Variants in SPECC1L observed in about 807,000 individuals in gnomAD.
The protein encoded by SPECC1L is cytospin-A.
SPECC1L carries 40 observed loss-of-function variants against 116.8 expected under a neutral mutation model. That is an observed-to-expected ratio of 0.34 (90% CI 0.27 to 0.45). The LOEUF (loss-of-function observed/expected upper bound fraction) is 0.45. Ranked by LOEUF, SPECC1L falls within the 20% of genes least tolerant of loss-of-function variation. SPECC1L has a pLI of 1.00. For synonymous variants in SPECC1L, 504 were observed against 500.6 expected, an observed-to-expected ratio of 1.01 and a Z score of -0.09; for missense variants, 1,110 against 1,373.6, an observed-to-expected ratio of 0.81 and a Z score of 3.03.
intron 3 of SPECC1L, among the ~76,000 whole-genome samples, chr22:24,308,580 G>T (rs2049548628): frequency 6.6e-6 from 1 of 152,190 alleles, no homozygotes; most frequent in African/African-American, 2.4e-5. Flanking sequence ...TCCACTGTCA[G>T]GTTACTGTGT....
At position 24,395,340 on chromosome 22, in the gene SPECC1L, C is replaced by T. The variant is rs573412825; in HGVS notation, c.3088-16248C>T. On this transcript the variant is annotated intron_variant, in intron 14 of 16. Transcript: ENST00000314328. ...GTATGGATTGAGGTGAACTTTTTGG[C>T]CTGTGGACTTAAGTTGGGAAGGTTG... Among the ~76,000 whole-genome samples the T allele has an allele frequency of 1.2e-3, 175 of 152,148 alleles. 1 individual carries two copies. Among genetic ancestry groups the T allele is most frequent in the Non-Finnish European group, 2.0e-3 (133 of 68,002 alleles).
chr22:24,295,167 A>G (rs528639287), intron 2 of SPECC1L, among the ~76,000 whole-genome samples: 64 of 151,118 alleles, frequency 4.2e-4, no homozygotes, highest in Non-Finnish European at 7.2e-4. Context: ...GTGAGCGTTC[A>G]GGCCACCCAG....
Position 24,365,639 on chromosome 22 carries a change from A to C in SPECC1L, c.2984+7A>C, listed in dbSNP as rs1445475666. 6.2e-7 allele frequency: 1 copy of C among 1,614,060 alleles called. No homozygotes were observed. The highest frequency in any genetic ancestry group is 8.5e-7 in the Non-Finnish European group (1 of 1,179,984). On this transcript the variant is annotated splice_region_variant and intron_variant, in intron 13 of 16. Coordinates refer to ENST00000314328, the MANE Select transcript of SPECC1L (RefSeq NM_015330.6). ...CCACCCGAAGCCGAATAAGGTAGAG[A>C]ACAGTTAATATTCATGCATTTCGTG...
rs868500145 is a variant in SPECC1L, at chr22:24,416,865, G to A, written c.*2242G>A. ...AGCAACAGGGAAAGAGGGTGGGCACGGGGAGGGCTTGGCCCCGCCTATCTA... is the reference window on the plus strand; with the variant it reads ...AGCAACAGGGAAAGAGGGTGGGCACAGGGAGGGCTTGGCCCCGCCTATCTA... On this transcript the variant is annotated 3_prime_UTR_variant, in exon 17 of 17. Transcript: ENST00000314328. 3 of 152,404 alleles carry A rather than the reference G, an allele frequency of 2.0e-5. No homozygotes were observed. The highest frequency in any genetic ancestry group is 6.5e-5 in the Admixed American group (1 of 15,280). The allele number at this position is 152,404 out of a possible 1,614,324, so 9.4% of individuals were successfully genotyped here.
chr22:24,411,764 A>G lies in SPECC1L; in HGVS notation c.3204+60A>G, dbSNP rs2042703188. 17 of 1,384,548 alleles carry G rather than the reference A, an allele frequency of 1.2e-5. No individual in the cohort carries two copies. The South Asian group carries it at 1.8e-4, about 15-fold the overall frequency. The allele number at this position is 1,384,548 out of a possible 1,614,324, so 85.8% of individuals were successfully genotyped here. On this transcript the variant is annotated intron_variant, in intron 15 of 16. Coordinates refer to ENST00000314328, the MANE Select transcript of SPECC1L (RefSeq NM_015330.6). Reference sequence around the variant, plus strand: ...TCACAGGGTTGGAGGGCTGAGAACCAAGGGCAGCACCTGCCTCAGCAGGTC... The same window carrying G: ...TCACAGGGTTGGAGGGCTGAGAACCGAGGGCAGCACCTGCCTCAGCAGGTC...
At chr22:24,394,988 A>T (rs2042339649) in intron 14 of SPECC1L, among the ~76,000 whole-genome samples, 1 of 151,666 alleles carries the variant, frequency 6.6e-6, no homozygotes, top group African/African-American at 2.4e-5. Context: ...GCACAACCAC[A>T]CCTGGCTAAC....
At chr22:24,365,752 G>A (rs1267733073) in intron 13 of SPECC1L, 120 bp downstream of exon 13, 1 of 1,131,796 alleles carries the variant, frequency 8.8e-7, no homozygotes, top group Non-Finnish European at 1.3e-6. Flanking sequence ...TCTGTGTGTT[G>A]TTTGCGAATC....
chr22:24,355,071 G>T (rs2041502333), intron 11 of SPECC1L, among the ~76,000 whole-genome samples: 1 of 151,458 alleles, frequency 6.6e-6, no homozygotes, highest in Non-Finnish European at 1.5e-5. Flanking sequence ...AGGAGGTCAA[G>T]AGATCCAGAC....
At chr22:24,347,246 CT>C in intron 11 of SPECC1L, 70 bp downstream of exon 11, 1 of 1,189,450 alleles carries the variant, frequency 8.4e-7, no homozygotes, top group Non-Finnish European at 1.3e-6. Context: ...TTTTGGCAAA[CT>C]AAATATTTTC....
chr22:24,274,690 T>A (rs909565066), intron 1 of SPECC1L, among the ~76,000 whole-genome samples: 2 of 152,234 alleles, frequency 1.3e-5, no homozygotes, highest in African/African-American at 4.8e-5. Context: ...AATCCAGAGG[T>A]TTACTTCTGC....
At chr22:24,283,639 T>G (rs1400411814) in intron 2 of SPECC1L, among the ~76,000 whole-genome samples, 1 of 152,228 alleles carries the variant, frequency 6.6e-6, no homozygotes, top group Admixed American at 6.5e-5. Flanking sequence ...CTGGAAGAGT[T>G]TGTAAAGAAT....
chr22:24,281,070 GTTAGA>G (rs2048933721), intron 2 of SPECC1L, among the ~76,000 whole-genome samples: 1 of 152,184 alleles, frequency 6.6e-6, no homozygotes, highest in Non-Finnish European at 1.5e-5. Context: ...AAGCCAGGGA[GTTAGA>G]CTTAAGGTAG....
chr22:24,361,756 ACTG>A (rs923427384), intron 11 of SPECC1L, among the ~76,000 whole-genome samples: 10 of 152,126 alleles, frequency 6.6e-5, no homozygotes, highest in African/African-American at 2.4e-4. Context: ...AGATTGCACC[ACTG>A]CACTTCAGCC....
intron 15 of SPECC1L, chr22:24,412,239 G>T (rs1173658040): frequency 8.3e-6 from 3 of 361,400 alleles, no homozygotes; most frequent in African/African-American, 2.1e-5. Flanking sequence ...ATCCAGGCCC[G>T]CAGCCCCCAC....
intron 11 of SPECC1L, among the ~76,000 whole-genome samples, chr22:24,352,266 A>G (rs2041441209): frequency 6.6e-6 from 1 of 152,236 alleles, no homozygotes; most frequent in Admixed American, 6.5e-5. Context: ...ACATGGATAC[A>G]GGTAGTTGGA....
chr22:24,386,269 G>A (rs2042158962), intron 14 of SPECC1L, among the ~76,000 whole-genome samples: 5 of 152,126 alleles, frequency 3.3e-5, no homozygotes, highest in Admixed American at 3.3e-4. Flanking sequence ...GATGAGGAAA[G>A]AGACAAGACC....
At chr22:24,299,702 G>GT (rs151244706) in intron 2 of SPECC1L, among the ~76,000 whole-genome samples, 107 of 148,192 alleles carry the variant, frequency 7.2e-4, no homozygotes, top group Middle Eastern at 3.5e-3. Flanking sequence ...AAAACTTATG[G>GT]TTTTTTTTTT....
chr22:24,324,517 A>G, intron 6 of SPECC1L, 90 bp downstream of exon 6: 1 of 1,201,664 alleles, frequency 8.3e-7, no homozygotes, highest in Non-Finnish European at 1.2e-6. Flanking sequence ...AGGGCTGGGC[A>G]CGGTGGCTCA....
At chr22:24,359,365 T>C (rs903264620) in intron 11 of SPECC1L, among the ~76,000 whole-genome samples, 1 of 152,186 alleles carries the variant, frequency 6.6e-6, no homozygotes, top group Admixed American at 6.5e-5. Flanking sequence ...GCACTCTCTC[T>C]CTCATTGCCT....
Sources: allele counts gnomAD v4.1 joint callset (sites outside exome capture counted in the v4.1 genomes callset), GRCh38; gene constraint gnomAD v4.1.1; transcripts MANE v1.5; gene names NCBI Gene and HGNC (gene_info 2026-07-23, HGNC 2026-07-21).